Variants in RNF111 observed in about 807,000 individuals in gnomAD.
RNF111 encodes ring finger protein 111, also known as E3 ubiquitin-protein ligase Arkadia.
Under a neutral mutation model 95.1 loss-of-function variants are expected in RNF111, and 17 were observed. The observed-to-expected ratio is 0.18, with a 90% CI of 0.12 to 0.27. The LOEUF (loss-of-function observed/expected upper bound fraction) is 0.27, where lower values mean the gene tolerates loss of function less well. RNF111 is among the 10% of genes least tolerant of loss of function. The probability of loss-of-function intolerance (pLI) is 1.00; values close to 1 mark genes in which losing one functional copy is unlikely to be tolerated. For missense variants in RNF111, 1,189 were observed against 1,210.4 expected, an observed-to-expected ratio of 0.98 and a Z score of 0.26; for synonymous variants, 440 against 414.8, an observed-to-expected ratio of 1.06 and a Z score of -0.74.
At chr15:59,015,572 A>G (rs1233236829) in intron 1 of RNF111, among the ~76,000 whole-genome samples, 1 of 151,948 alleles carries the variant, frequency 6.6e-6, no homozygotes, top group East Asian at 1.9e-4. Flanking sequence ...GGTTAAACAG[A>G]AACCTATAAT....
At chr15:59,058,999 C>T (rs188997941) in intron 5 of RNF111, among the ~76,000 whole-genome samples, 53 of 152,176 alleles carry the variant, frequency 3.5e-4, no homozygotes, top group Admixed American at 2.5e-3. Flanking sequence ...CCCAACAGGC[C>T]GGGTGTGATG....
At chr15:59,040,214 C>G (rs1159821823) in intron 2 of RNF111, among the ~76,000 whole-genome samples, 2 of 152,072 alleles carry the variant, frequency 1.3e-5, no homozygotes, top group Non-Finnish European at 2.9e-5. Context: ...CTCCTGGGCT[C>G]AAGTGATCCT....
At chr15:59,062,178 G>T (rs1182132461) in intron 5 of RNF111, among the ~76,000 whole-genome samples, 1 of 151,474 alleles carries the variant, frequency 6.6e-6, no homozygotes, top group Non-Finnish European at 1.5e-5. Context: ...AAGTAGCTGG[G>T]ACTACAGGCA....
chr15:59,079,645 C>G (rs28733679), intron 7 of RNF111, among the ~76,000 whole-genome samples: 3 of 145,772 alleles, frequency 2.1e-5, no homozygotes, highest in Non-Finnish European at 4.5e-5. Flanking sequence ...GTATTGAAAT[C>G]TAAGACAAAC....
intron 1 of RNF111, among the ~76,000 whole-genome samples, chr15:58,993,986 A>T (rs1321590155): frequency 2.0e-5 from 3 of 150,848 alleles, no homozygotes; most frequent in East Asian, 3.9e-4. Flanking sequence ...ACTCGAATAA[A>T]TTACTTATTT....
chr15:59,038,848 G>A (rs763776568), intron 2 of RNF111, among the ~76,000 whole-genome samples: 6 of 152,066 alleles, frequency 3.9e-5, no homozygotes, highest in Non-Finnish European at 8.8e-5. Flanking sequence ...TTGATCAGAG[G>A]GTTCAGATGT....
At chr15:59,017,077 T>C (rs1334603697) in intron 1 of RNF111, among the ~76,000 whole-genome samples, 2 of 151,898 alleles carry the variant, frequency 1.3e-5, no homozygotes, top group African/African-American at 4.8e-5. Flanking sequence ...ATATTATATA[T>C]TGCAATGCAA....
Position 59,031,038 on chromosome 15 carries a change from A to C in RNF111, c.216A>C (p.Gln72His), listed in dbSNP as rs1567227290. The C allele has an allele frequency of 6.2e-7, 1 of 1,614,258 alleles. No individual in the cohort carries two copies. Among genetic ancestry groups the C allele is most frequent in the Non-Finnish European group, 8.5e-7 (1 of 1,180,046 alleles). Residue 72 changes from glutamine to histidine, a missense_variant, in exon 2 of 14, where the codon CAA becomes CAC. Transcript: ENST00000348370. ...NEFSHLCDDS[Q>H]KQEKEMNGNQ... ...TCTCTCACCTGTGTGATGATTCTCA[A>C]AAGCAAGAGAAGGAAATGAATGGTA...
Position 59,066,781 on chromosome 15 carries a change from A to T in RNF111, c.1384A>T (p.Thr462Ser). 6.2e-7 allele frequency: 1 copy of T among 1,613,668 alleles called. No homozygotes were observed. The highest frequency in any genetic ancestry group is 1.7e-5 in the Admixed American group (1 of 59,998). ...GTTTCAAGATGACTCAAGGAGAACT[A>T]CATCTAGTGCTGTAACGGAAACTGG... ...TSIGDDSRRT[T>S]SSAVTETGPP... is the part of the protein sequence containing the mutation. Residue 462 changes from threonine (T) to serine (S), a missense_variant, in exon 6 of 14, where the codon ACA becomes TCA. By Grantham distance (58) the Thr-to-Ser change is moderately conservative (BLOSUM62 1). Around this residue, in one of 2 missense-constraint regions of RNF111, gnomAD observed 1,024 missense variants for 925.9 expected, o/e 1.11. Coordinates refer to ENST00000348370, the MANE Select transcript of RNF111 (RefSeq NM_017610.8).
At chr15:58,995,764 CTTTTTTTTTTT>C (rs34209382) in intron 1 of RNF111, among the ~76,000 whole-genome samples, 2 of 99,528 alleles carry the variant, frequency 2.0e-5, no homozygotes, top group Non-Finnish European at 3.9e-5. Context: ...GTGCCCCGGC[CTTTTTTTTTTT>C]TTTTTTTTTT....
intron 2 of RNF111, among the ~76,000 whole-genome samples, chr15:59,046,137 T>C (rs1310343109): frequency 1.3e-5 from 2 of 152,052 alleles, no homozygotes; most frequent in African/African-American, 4.8e-5. Flanking sequence ...AATCAGATAA[T>C]CTTTCATTAT....
intron 2 of RNF111, among the ~76,000 whole-genome samples, chr15:59,044,262 C>G (rs962205426): frequency 1.3e-5 from 2 of 152,156 alleles, no homozygotes; most frequent in African/African-American, 4.8e-5. Flanking sequence ...AACTCCTGAC[C>G]TCAGGTGATC....
At chr15:59,028,794 T>TA (rs2040753265) in intron 1 of RNF111, among the ~76,000 whole-genome samples, 1 of 151,654 alleles carries the variant, frequency 6.6e-6, no homozygotes, top group Admixed American at 6.6e-5. Context: ...TTTTTTTTTT[T>TA]CTTGAGATAG....
chr15:59,066,628 C>A, intron 5 of RNF111, 136 bp from the exon 6 acceptor site: 1 of 734,456 alleles, frequency 1.4e-6, no homozygotes, highest in Non-Finnish European at 2.2e-6. Context: ...AAGAACGTGG[C>A]ACTATCACAT....
intron 2 of RNF111, among the ~76,000 whole-genome samples, chr15:59,038,761 T>G (rs1002373886): frequency 7.2e-5 from 11 of 152,286 alleles, no homozygotes; most frequent in Admixed American, 6.5e-5. Context: ...GTCTAAAAGC[T>G]TGATTAGGTT....
At chr15:59,002,595 TTAGA>T (rs1216554031) in intron 1 of RNF111, among the ~76,000 whole-genome samples, 6 of 152,032 alleles carry the variant, frequency 3.9e-5, no homozygotes, top group South Asian at 2.1e-4. Flanking sequence ...ACTCAACAAC[TTAGA>T]TAGTCATTTA....
chr15:59,037,516 A>C (rs2041235006), intron 2 of RNF111, among the ~76,000 whole-genome samples: 1 of 152,128 alleles, frequency 6.6e-6, no homozygotes, highest in African/African-American at 2.4e-5. Flanking sequence ...GGATATGAGG[A>C]CTTCTTTATA....
chr15:59,007,623 CAG>C (rs2039601636), intron 1 of RNF111, among the ~76,000 whole-genome samples: 1 of 151,826 alleles, frequency 6.6e-6, no homozygotes, highest in Admixed American at 6.5e-5. Context: ...TAGAAGCTGC[CAG>C]AGAGTCATGT....
intron 1 of RNF111, among the ~76,000 whole-genome samples, chr15:59,006,552 G>GAAT (rs2039547427): frequency 1.3e-5 from 2 of 152,142 alleles, no homozygotes; most frequent in Admixed American, 1.3e-4. Context: ...GAATTGTACA[G>GAAT]TGAACGCCCA....
Sources: gnomAD v4.1 joint callset for allele counts (sites outside exome capture counted in the v4.1 genomes callset) on GRCh38, gnomAD v4.1.1 for gene constraint, gnomAD v4.1.1 regional missense constraint, MANE v1.5 for transcripts, NCBI Gene and HGNC (gene_info 2026-07-23, HGNC 2026-07-21) for gene names.